Variants in STMND1 observed in about 807,000 individuals in gnomAD.
STMND1 encodes stathmin domain containing 1, also known as stathmin domain-containing protein 1.
A neutral mutation model predicts 23.0 loss-of-function variants in STMND1; 17 were observed. The ratio of observed to expected loss-of-function variants is 0.74; its 90% confidence interval spans 0.51 to 1.11. The LOEUF (loss-of-function observed/expected upper bound fraction) is 1.11, where lower values mean the gene tolerates loss of function less well. Ranked by LOEUF, STMND1 falls within the 50% of genes least tolerant of loss-of-function variation. The pLI is 0.00. For synonymous variants in STMND1, 114 were observed against 119.9 expected, an observed-to-expected ratio of 0.95 and a Z score of 0.32; for missense variants, 305 against 329.1, an observed-to-expected ratio of 0.93 and a Z score of 0.57.
intron 2 of STMND1, among the ~76,000 whole-genome samples, chr6:17,119,946 A>G (rs1188310959): frequency 5.3e-5 from 8 of 152,184 alleles, no homozygotes; most frequent in Admixed American, 5.2e-4. Flanking sequence ...TAATTGGATG[A>G]TTTGTAATGG....
At chr6:17,121,999 G>A (rs1761239902) in intron 3 of STMND1, among the ~76,000 whole-genome samples, 1 of 151,756 alleles carries the variant, frequency 6.6e-6, no homozygotes, top group Admixed American at 6.6e-5. Flanking sequence ...GGCAGCTGGG[G>A]TTACAGGTGC....
chr6:17,117,087 A>G (rs1479418028), intron 2 of STMND1, among the ~76,000 whole-genome samples: 1 of 151,730 alleles, frequency 6.6e-6, no homozygotes, highest in East Asian at 1.9e-4. Context: ...GTTTTTTTTG[A>G]GACGGAGTTT....
chr6:17,105,343 A>G (rs187421652), intron 1 of STMND1, among the ~76,000 whole-genome samples: 1 of 152,296 alleles, frequency 6.6e-6, no homozygotes, highest in East Asian at 1.9e-4. Flanking sequence ...TATTTCAATT[A>G]TTATTATAAG....
chr6:17,118,531 G>A (rs188891746), intron 2 of STMND1, among the ~76,000 whole-genome samples: 7 of 152,294 alleles, frequency 4.6e-5, no homozygotes, highest in African/African-American at 1.7e-4. Context: ...TAGTTGAAAT[G>A]ACTGACATAT....
At chr6:17,105,436 AG>A (rs1265746202) in intron 1 of STMND1, among the ~76,000 whole-genome samples, 2 of 151,882 alleles carry the variant, frequency 1.3e-5, no homozygotes, top group Non-Finnish European at 2.9e-5. Flanking sequence ...ACCTGAGGTC[AG>A]GGGTTTGAGA....
chr6:17,105,309 G>A (rs994136882), intron 1 of STMND1, among the ~76,000 whole-genome samples: 15 of 152,152 alleles, frequency 9.9e-5, no homozygotes, highest in Non-Finnish European at 1.9e-4. Flanking sequence ...AATGCCTGAC[G>A]CAGAATAAGT....
intron 1 of STMND1, among the ~76,000 whole-genome samples, chr6:17,108,113 G>A (rs1408479514): frequency 6.6e-6 from 1 of 152,292 alleles, no homozygotes; most frequent in South Asian, 2.1e-4. Flanking sequence ...CTACAATTTA[G>A]GTTTTGGTCA....
chr6:17,121,442 G>C lies in STMND1; in HGVS notation c.411+684G>C, dbSNP rs1761232680. Among the ~76,000 whole-genome samples the C allele has an allele frequency of 2.6e-5, 4 of 152,186 alleles. No individual in the cohort carries two copies. In the South Asian group the frequency reaches 8.3e-4, roughly 32 times the overall value. On this transcript the variant is annotated intron_variant, in intron 3 of 4. Transcript: ENST00000536551. ...TTCTTGAGCACTACCTATGTAATAGGCATTGTACAGGGCATTAGAAATGTA... is the reference window on the plus strand; with the variant it reads ...TTCTTGAGCACTACCTATGTAATAGCCATTGTACAGGGCATTAGAAATGTA...
At chr6:17,103,189 CT>C (rs1760966597) in intron 1 of STMND1, among the ~76,000 whole-genome samples, 1 of 152,170 alleles carries the variant, frequency 6.6e-6, no homozygotes, top group South Asian at 2.1e-4. Context: ...CAAAATTATG[CT>C]TTTAAGAGTG....
chr6:17,118,082 A>G (rs1761183274), intron 2 of STMND1, among the ~76,000 whole-genome samples: 1 of 152,184 alleles, frequency 6.6e-6, no homozygotes, highest in African/African-American at 2.4e-5. Context: ...GGTTTTTGCT[A>G]TGCAAAAGTT....
chr6:17,107,473 T>G (rs1761039525), intron 1 of STMND1, among the ~76,000 whole-genome samples: 1 of 152,156 alleles, frequency 6.6e-6, no homozygotes, highest in African/African-American at 2.4e-5. Flanking sequence ...AGAAACACAC[T>G]GAATCCGTAC....
chr6:17,108,917 G>A lies in STMND1; in HGVS notation c.82-6045G>A, dbSNP rs560840355. Among the ~76,000 whole-genome samples, 12 of 152,082 alleles carry A rather than the reference G, an allele frequency of 7.9e-5. No homozygotes were observed. The South Asian group carries it at 1.9e-3, about 24-fold the overall frequency. ...TTGCCATGTTGGCCAGGCTAGTCTC[G>A]AATTCCTGACCTCAGGTGATCTGCC... is the stretch of plus-strand genomic sequence containing the variant. On this transcript the variant is annotated intron_variant, in intron 1 of 4. Transcript: ENST00000536551.
At chr6:17,116,229 G>C (rs2113483367) in intron 2 of STMND1, among the ~76,000 whole-genome samples, 1 of 152,266 alleles carries the variant, frequency 6.6e-6, no homozygotes, top group African/African-American at 2.4e-5. Flanking sequence ...TAAGCAGAAG[G>C]GTGTTGAGAG....
At chr6:17,126,032 TTTTA>T (rs1761289883) in intron 3 of STMND1, among the ~76,000 whole-genome samples, 2 of 75,982 alleles carry the variant, frequency 2.6e-5, no homozygotes, top group East Asian at 6.2e-4. Context: ...GTGATCATTG[TTTTA>T]TATATATATA....
intron 2 of STMND1, 112 bp from the exon 3 acceptor site, chr6:17,120,495 A>G: frequency 1.3e-6 from 1 of 742,300 alleles, no homozygotes; most frequent in Non-Finnish European, 2.0e-6. Flanking sequence ...TAAGTGTTGA[A>G]ACTAAGATCT....
At chr6:17,115,411 T>C (rs961289021) in intron 2 of STMND1, among the ~76,000 whole-genome samples, 1 of 149,918 alleles carries the variant, frequency 6.7e-6, no homozygotes, top group Non-Finnish European at 1.5e-5. Flanking sequence ...AGAGGCATTA[T>C]TGGGAATTAA....
intron 1 of STMND1, among the ~76,000 whole-genome samples, chr6:17,108,292 T>C (rs1761052678): frequency 6.6e-6 from 1 of 152,290 alleles, no homozygotes; most frequent in East Asian, 1.9e-4. Flanking sequence ...GTACAGAAAG[T>C]CTTTGTGAAA....
In STMND1 at chr6:17,102,343, TAAACAAACAAAC is replaced by T. The variant is rs35221460; in HGVS notation, c.81+23_81+34del. 143 of 1,520,970 alleles carry T rather than the reference TAAACAAACAAAC, an allele frequency of 9.4e-5. No individual in the cohort carries two copies. The East Asian group carries it at 2.5e-3, about 27-fold the overall frequency. The allele number at this position is 1,520,970 out of a possible 1,614,324, so 94.2% of individuals were successfully genotyped here. A position where few individuals can be genotyped will look rare whatever the true frequency, so the allele number is the denominator to read the frequency against. On this transcript the variant is annotated splice_donor_region_variant and intron_variant, in intron 1 of 4. Transcript: ENST00000536551. The stretch of plus-strand genomic sequence containing the variant: ...GGCTGGAAAGAGGAATTCAAGGTAA[TAAACAAACAAAC>T]AAACAAACAAACAAACAGACAGAAA...
At position 17,108,551 on chromosome 6, in the gene STMND1, T is replaced by TA. The variant is rs567575831; in HGVS notation, c.81+6214dup. ...AATAAACTTGTGAAAATACTTGTCTTACCGTCACTGTAGATATTGGCTTTT... is the reference window on the plus strand; with the variant it reads ...AATAAACTTGTGAAAATACTTGTCTTAACCGTCACTGTAGATATTGGCTTTT... On this transcript the variant is annotated intron_variant, in intron 1 of 4. Coordinates refer to ENST00000536551, the MANE Select transcript of STMND1 (RefSeq NM_001190766.2). 2.0e-5 allele frequency among the ~76,000 whole-genome samples: 3 copies of TA among 152,318 alleles called. No individual in the cohort carries two copies. In the East Asian group the frequency reaches 5.8e-4, roughly 29 times the overall value.
Sources: allele counts gnomAD v4.1 joint callset (sites outside exome capture counted in the v4.1 genomes callset), GRCh38; gene constraint gnomAD v4.1.1; transcripts MANE v1.5; gene names NCBI Gene and HGNC (gene_info 2026-07-23, HGNC 2026-07-21).